Variants in GPC6 observed in about 807,000 individuals in gnomAD.
The protein encoded by GPC6 is glypican-6.
A neutral mutation model predicts 55.2 loss-of-function variants in GPC6; 14 were observed. The observed-to-expected ratio is 0.25, with a 90% CI of 0.17 to 0.40. GPC6 has a LOEUF of 0.40. GPC6 is among the 10% of genes least tolerant of loss of function. The probability of loss-of-function intolerance (pLI) is 1.00; values close to 1 mark genes in which losing one functional copy is unlikely to be tolerated. For synonymous variants in GPC6, 278 were observed against 259.6 expected (o/e 1.07, Z -0.68); for missense variants, 641 against 708.5 (o/e 0.90, Z 1.08).
intron 3 of GPC6, among the ~76,000 whole-genome samples, chr13:93,935,803 A>C (rs1224023200): frequency 6.6e-6 from 1 of 152,180 alleles, no homozygotes; most frequent in Non-Finnish European, 1.5e-5. Flanking sequence ...CCCCTCAGGC[A>C]GTGTTTATCA....
intron 2 of GPC6, among the ~76,000 whole-genome samples, chr13:93,794,713 A>G (rs4556669): frequency 0.33 from 50,133 of 152,016 alleles, 8,684 homozygotes; most frequent in African/African-American, 0.43. Flanking sequence ...ACAGCTGCCT[A>G]TTAGAGTCAC....
intron 6 of GPC6, among the ~76,000 whole-genome samples, chr13:94,378,234 GGA>G (rs1209494516): frequency 1.3e-5 from 2 of 151,864 alleles, no homozygotes; most frequent in African/African-American, 4.8e-5. Flanking sequence ...TCTCATCACT[GGA>G]TGTGTCTGAT....
chr13:93,775,983 C>A (rs967295545), intron 2 of GPC6, among the ~76,000 whole-genome samples: 10 of 151,436 alleles, frequency 6.6e-5, no homozygotes, highest in African/African-American at 2.4e-4. Context: ...CAACAATAAA[C>A]CCCCTTTGGA....
At chr13:93,341,865 G>C (rs1880267888) in intron 1 of GPC6, among the ~76,000 whole-genome samples, 1 of 150,272 alleles carries the variant, frequency 6.7e-6, no homozygotes, top group Non-Finnish European at 1.5e-5. Flanking sequence ...AATTTTTATG[G>C]TATCAGGTTT....
intron 4 of GPC6, among the ~76,000 whole-genome samples, chr13:94,267,201 G>C (rs1322641230): frequency 1.3e-5 from 2 of 152,164 alleles, no homozygotes; most frequent in East Asian, 1.9e-4. Flanking sequence ...GAAGAGACTG[G>C]TTGTCCAGTC....
At chr13:94,013,321 C>T (rs909054437) in intron 3 of GPC6, among the ~76,000 whole-genome samples, 10 of 151,796 alleles carry the variant, frequency 6.6e-5, no homozygotes, top group East Asian at 5.8e-4. Context: ...ACTCCTATGG[C>T]GGTTTTATTT....
chr13:93,403,942 A>C (rs1420990748), intron 1 of GPC6, among the ~76,000 whole-genome samples: 2 of 152,174 alleles, frequency 1.3e-5, no homozygotes, highest in African/African-American at 2.4e-5. Context: ...GATTTATTAT[A>C]GAATAAAGAT....
intron 1 of GPC6, among the ~76,000 whole-genome samples, chr13:93,247,717 A>G (rs2139023880): frequency 6.6e-6 from 1 of 152,318 alleles, no homozygotes; most frequent in South Asian, 2.1e-4. Context: ...ATGGCAAATC[A>G]TATGTCATCA....
At chr13:93,406,218 C>A (rs1876285725) in intron 1 of GPC6, among the ~76,000 whole-genome samples, 1 of 152,166 alleles carries the variant, frequency 6.6e-6, no homozygotes, top group Non-Finnish European at 1.5e-5. Context: ...TTTCTTCCTG[C>A]AAAACTCATG....
chr13:94,115,350 G>C (rs950634297), intron 4 of GPC6, among the ~76,000 whole-genome samples: 1 of 152,086 alleles, frequency 6.6e-6, no homozygotes, highest in South Asian at 2.1e-4. Context: ...GGGTTGGTGG[G>C]GGGGTGTCAA....
intron 4 of GPC6, among the ~76,000 whole-genome samples, chr13:94,184,814 T>C: frequency 6.6e-6 from 1 of 152,088 alleles, no homozygotes; most frequent in Non-Finnish European, 1.5e-5. Flanking sequence ...GTGAAATAGA[T>C]CATTGTATCA....
chr13:93,796,320 TA>T (rs1008226095), intron 2 of GPC6, among the ~76,000 whole-genome samples: 1 of 152,206 alleles, frequency 6.6e-6, no homozygotes, highest in Non-Finnish European at 1.5e-5. Context: ...AGTATATTTT[TA>T]AAAAGCAATT....
At chr13:93,924,336 G>T (rs1877738401) in intron 3 of GPC6, among the ~76,000 whole-genome samples, 1 of 152,214 alleles carries the variant, frequency 6.6e-6, no homozygotes, top group Admixed American at 6.5e-5. Context: ...TTCAGGAGTG[G>T]CAACACGCAG....
intron 2 of GPC6, among the ~76,000 whole-genome samples, chr13:93,554,009 G>A (rs1439267702): frequency 6.7e-6 from 1 of 150,200 alleles, no homozygotes; most frequent in Non-Finnish European, 1.5e-5. Context: ...TTAGCCGGGT[G>A]TAGTGGTGCA....
intron 2 of GPC6, among the ~76,000 whole-genome samples, chr13:93,718,531 A>G (rs1046246335): frequency 1.3e-5 from 2 of 152,072 alleles, no homozygotes; most frequent in Non-Finnish European, 2.9e-5. Context: ...AGAGATTGCA[A>G]AAATGTTCTC....
intron 4 of GPC6, among the ~76,000 whole-genome samples, chr13:94,131,426 C>A (rs1014111888): frequency 2.6e-5 from 4 of 152,026 alleles, no homozygotes; most frequent in African/African-American, 7.2e-5. Context: ...CTTAAAATGA[C>A]AGATTTAATA....
chr13:94,244,164 A>AG (rs778135745), intron 4 of GPC6, among the ~76,000 whole-genome samples: 1 of 152,074 alleles, frequency 6.6e-6, no homozygotes. Flanking sequence ...ATTGTGTGCC[A>AG]GGGGGCAAAG....
chr13:94,319,216 C>T (rs954162397), intron 6 of GPC6, among the ~76,000 whole-genome samples: 1 of 151,912 alleles, frequency 6.6e-6, no homozygotes, highest in Non-Finnish European at 1.5e-5. Context: ...GTGTTTGGAA[C>T]CTAATACTGT....
chr13:93,553,694 C>CAAAAAAA (rs34521652), intron 2 of GPC6, among the ~76,000 whole-genome samples: 2 of 56,642 alleles, frequency 3.5e-5, no homozygotes, highest in African/African-American at 6.7e-5. Flanking sequence ...GACTCCATCT[C>CAAAAAAA]AAAAAAAAAA....
Sources: gnomAD v4.1 joint callset for allele counts (sites outside exome capture counted in the v4.1 genomes callset) on GRCh38, gnomAD v4.1.1 for gene constraint, MANE v1.5 for transcripts, NCBI Gene and HGNC (gene_info 2026-07-23, HGNC 2026-07-21) for gene names.